Variants in PKLR observed in about 807,000 individuals in gnomAD.
The protein encoded by PKLR is pyruvate kinase L/R.
Under a neutral mutation model 53.6 loss-of-function variants are expected in PKLR, and 38 were observed. That is an observed-to-expected ratio of 0.71 (90% CI 0.55 to 0.93). The LOEUF is 0.93. PKLR is among the 40% of genes least tolerant of loss of function. PKLR has a pLI of 0.00. For missense variants in PKLR, 702 were observed against 787.3 expected (o/e 0.89, Z 1.30); for synonymous variants, 328 against 316.2 (o/e 1.04, Z -0.39).
At chr1:155,300,836 G>A in intron 1 of PKLR, 1 of 1,605,948 alleles carries the variant, frequency 6.2e-7, no homozygotes, top group South Asian at 1.1e-5. Flanking sequence ...GGTCCCTGTA[G>A]CTTGACCCAT....
rs1572049787 is a variant in PKLR, at chr1:155,290,502, T to G, written c.*70A>C. On this transcript the variant is annotated 3_prime_UTR_variant, in exon 11 of 11. Coordinates refer to ENST00000342741, the MANE Select transcript of PKLR (RefSeq NM_000298.6). ...GGTGGGGCTTTGGAGGGGTGTGGGCTGGAGAACGTAGACTGGGGAGGAAGG... is the reference window on the plus strand; with the variant it reads ...GGTGGGGCTTTGGAGGGGTGTGGGCGGGAGAACGTAGACTGGGGAGGAAGG... 1.1e-6 allele frequency: 1 copy of G among 917,756 alleles called. No individual in the cohort carries two copies. Among genetic ancestry groups the G allele is most frequent in the South Asian group, 1.3e-5 (1 of 75,012 alleles). 56.9% of individuals were successfully genotyped at this position (917,756 alleles called of 1,614,324 possible). A position where few individuals can be genotyped will look rare whatever the true frequency, so the allele number is the denominator to read the frequency against.
chr1:155,300,778 C>G lies in PKLR; in HGVS notation c.101-498G>C, dbSNP rs1053209082. ...CTGGCTACTGGCTGGCTTCCCCACC[C>G]CATCCTCTGAGTCTCCCCAGGCTTC... On this transcript the variant is annotated intron_variant, in intron 1 of 10. Transcript: ENST00000342741. The G allele has an allele frequency of 5.1e-6, 7 of 1,372,390 alleles. No homozygotes were observed. The African/African-American group carries it at 8.6e-5, about 17-fold the overall frequency. The allele number at this position is 1,372,390 out of a possible 1,614,324, so 85.0% of individuals were successfully genotyped here.
intron 1 of PKLR, 163 bp downstream of exon 1, chr1:155,301,132 AG>A: frequency 7.4e-7 from 1 of 1,355,718 alleles, no homozygotes; most frequent in Non-Finnish European, 1.0e-6. Context: ...GACCCAGGCC[AG>A]GGTCCATAAT....
At chr1:155,299,909 T>C (rs1056458853) in intron 2 of PKLR, among the ~76,000 whole-genome samples, 189 bp downstream of exon 2, 4 of 152,188 alleles carry the variant, frequency 2.6e-5, no homozygotes, top group African/African-American at 7.2e-5. Flanking sequence ...AGGGTAGGGA[T>C]TTTTGTCTGT....
chr1:155,301,153 G>C lies in PKLR; in HGVS notation c.100+143C>G. The C allele has an allele frequency of 3.0e-6, 4 of 1,323,808 alleles. No individual in the cohort carries two copies. The South Asian group carries it at 5.0e-5, about 17-fold the overall frequency. The allele number at this position is 1,323,808 out of a possible 1,614,324, so 82.0% of individuals were successfully genotyped here. A position where few individuals can be genotyped will look rare whatever the true frequency, so the allele number is the denominator to read the frequency against. On this transcript the variant is annotated intron_variant, in intron 1 of 10. Transcript: ENST00000342741. Reference sequence around the variant, plus strand: ...GGCCAGGGTCCATAATTTAACACACGGGAGGCTCTGAAGAACGTACGTTCC... The same window carrying C: ...GGCCAGGGTCCATAATTTAACACACCGGAGGCTCTGAAGAACGTACGTTCC...
upstream of PKLR, among the ~76,000 whole-genome samples, chr1:155,304,207 C>T (rs1040041039): frequency 1.2e-4 from 18 of 151,946 alleles, no homozygotes; most frequent in Admixed American, 5.9e-4. Flanking sequence ...CCAAGGCAGG[C>T]GGATCACCTG....
At chr1:155,302,297 C>G (rs1306361112), upstream of PKLR, among the ~76,000 whole-genome samples, 1 of 146,182 alleles carries the variant, frequency 6.8e-6, no homozygotes, top group African/African-American at 2.6e-5. Context: ...AGTGCAGTGG[C>G]GTGATCTTGG....
intron 2 of PKLR, among the ~76,000 whole-genome samples, chr1:155,297,474 G>A (rs1421911966): frequency 6.6e-6 from 1 of 152,092 alleles, no homozygotes; most frequent in Non-Finnish European, 1.5e-5. Context: ...AGCAAATCCT[G>A]TCAGCTCTAC....
the PKLR span, among the ~76,000 whole-genome samples, chr1:155,306,648 C>T: frequency 2.0e-5 from 3 of 152,156 alleles, no homozygotes; most frequent in Non-Finnish European, 4.4e-5. The surrounding 1 kb of genome is among the most constrained non-coding windows in gnomAD (Gnocchi z 4.2). Context: ...ATTCCACACA[C>T]ACACACAAAT....
Position 155,294,289 on chromosome 1 carries a change from CT to C in PKLR, c.1061del (p.Lys354ArgfsTer2). The C allele has an allele frequency of 6.2e-7, 1 of 1,614,180 alleles. No homozygotes were observed. Among genetic ancestry groups the C allele is most frequent in the Non-Finnish European group, 8.5e-7 (1 of 1,180,036 alleles). ...IPAEKVFLAQ[K>X]MMIGRCNLAG... Reference sequence around the variant, plus strand: ...CCAAGTTGCAGCGCCCAATCATCATCTTCTGAGCCAGGAAAACCTTCTCTGC... The same window carrying C: ...CCAAGTTGCAGCGCCCAATCATCATCTCTGAGCCAGGAAAACCTTCTCTGC... On this transcript the variant is annotated frameshift_variant, in exon 7 of 11. Transcript: ENST00000342741. LOFTEE classifies it high-confidence loss of function.
chr1:155,295,676 C>G lies in PKLR; in HGVS notation c.364G>C (p.Gly122Arg). 1 of 1,614,102 alleles carries G rather than the reference C, an allele frequency of 6.2e-7. No homozygotes were observed. The highest frequency in any genetic ancestry group is 2.2e-5 in the East Asian group (1 of 44,870). Residue 122 changes from glycine (G) to arginine (R), a missense_variant, in exon 3 of 11, where the codon GGC becomes CGC. By Grantham distance (125) the Gly-to-Arg change is moderately radical. Coordinates refer to ENST00000342741, the MANE Select transcript of PKLR (RefSeq NM_000298.6). This position sits in a 1 kb window ranked among gnomAD's most constrained non-coding sequence, Gnocchi z 4.3. ...MNIARLNFSH[G>R]SHEYHAESIA... ...GGCCCGTCCCGCACCTCGTGGGAGC[C>G]GTGGGAGAAGTTGAGTCGCGCAATG...
chr1:155,290,469 G>C lies in PKLR; in HGVS notation c.*103C>G. The C allele has an allele frequency of 1.4e-6, 1 of 731,020 alleles. No homozygotes were observed. The highest frequency in any genetic ancestry group is 1.5e-5 in the South Asian group (1 of 68,500). 45.3% of individuals were successfully genotyped at this position (731,020 alleles called of 1,614,324 possible). A position where few individuals can be genotyped will look rare whatever the true frequency, so the allele number is the denominator to read the frequency against. ...GGAGGGTCAGGAATAGAGAAGAGAGGACTTAAAGGTGGGGCTTTGGAGGGG... is the reference window on the plus strand; with the variant it reads ...GGAGGGTCAGGAATAGAGAAGAGAGCACTTAAAGGTGGGGCTTTGGAGGGG... On this transcript the variant is annotated 3_prime_UTR_variant, in exon 11 of 11. Transcript: ENST00000342741.
chr1:155,297,534 C>G (rs1647665603), intron 2 of PKLR, among the ~76,000 whole-genome samples: 1 of 152,178 alleles, frequency 6.6e-6, no homozygotes, highest in Admixed American at 6.5e-5. Context: ...TCACTGCCGC[C>G]AACTGGTCTG....
Position 155,293,288 on chromosome 1 carries a change from C to T in PKLR, c.1325G>A (p.Arg442His), listed in dbSNP as rs370554398. ...ATCACGGCTTAGTGGCGCTGCCCGACGTAGCTCCTCAAACAGCTGCCGGTG... is the reference window on the plus strand; with the variant it reads ...ATCACGGCTTAGTGGCGCTGCCCGATGTAGCTCCTCAAACAGCTGCCGGTG... ...VYHRQLFEEL[R>H]RAAPLSRDPT... The change falls in exon 9 of 11, where the codon CGT (arginine) becomes CAT (histidine). Residue 442 changes from arginine to histidine, a missense_variant. This residue lies in a region of PKLR where 183 missense variants were observed against 250.2 expected (regional missense o/e 0.73). Coordinates refer to ENST00000342741, the MANE Select transcript of PKLR (RefSeq NM_000298.6). This position sits in a 1 kb window ranked among gnomAD's most constrained non-coding sequence, Gnocchi z 4.2. 3.1e-6 allele frequency: 5 copies of T among 1,614,104 alleles called. No individual in the cohort carries two copies. In the Admixed American group the frequency reaches 6.7e-5, roughly 22 times the overall value.
Position 155,293,668 on chromosome 1 carries a change from C to G in PKLR, c.1117-78G>C. 6.9e-7 allele frequency: 1 copy of G among 1,442,178 alleles called. No homozygotes were observed. Among genetic ancestry groups the G allele is most frequent in the Admixed American group, 1.7e-5 (1 of 57,890 alleles). 89.3% of individuals were successfully genotyped at this position (1,442,178 alleles called of 1,614,324 possible). A position where few individuals can be genotyped will look rare whatever the true frequency, so the allele number is the denominator to read the frequency against. ...CCCTGCCCAAGCTACTTCTCTGACA[C>G]CCACACTCTCAGAGTGTCCCAAAAT... is the stretch of plus-strand genomic sequence containing the variant. On this transcript the variant is annotated intron_variant, in intron 7 of 10. Coordinates refer to ENST00000342741, the MANE Select transcript of PKLR (RefSeq NM_000298.6). This position sits in a 1 kb window ranked among gnomAD's most constrained non-coding sequence, Gnocchi z 4.2.
Position 155,294,760 on chromosome 1 carries a change from C to G in PKLR, c.695-8G>C. The stretch of plus-strand genomic sequence containing the variant: ...TCACCAGTCCCTCTGGGCCTGCGGA[C>G]ATGGAAAGAGCCAGCTGCGGTCAGG... On this transcript the variant is annotated splice_polypyrimidine_tract_variant and splice_region_variant and intron_variant, in intron 5 of 10. Transcript: ENST00000342741. 1.9e-6 allele frequency: 3 copies of G among 1,613,834 alleles called. No homozygotes were observed. The highest frequency in any genetic ancestry group is 2.5e-6 in the Non-Finnish European group (3 of 1,180,030).
Position 155,293,441 on chromosome 1 carries a change from A to G in PKLR, c.1266T>C (p.His422=). 2 of 1,614,212 alleles carry G rather than the reference A, an allele frequency of 1.2e-6. No individual in the cohort carries two copies. Among genetic ancestry groups the G allele is most frequent in the Non-Finnish European group, 1.7e-6 (2 of 1,180,036 alleles). The change falls in exon 8 of 11, where the codon CAT becomes CAC. Residue 422 remains histidine, a synonymous_variant. Transcript: ENST00000342741. This position sits in a 1 kb window ranked among gnomAD's most constrained non-coding sequence, Gnocchi z 4.2. The part of the protein sequence containing the change: ...NFPVEAVKMQ[H]AIAREAEAAV... Reference sequence around the variant, plus strand: ...GCTTTTCATTCTGAGCTCCTACCGCATGCTGCATCTTCACCGCTTCCACAG... The same window carrying G: ...GCTTTTCATTCTGAGCTCCTACCGCGTGCTGCATCTTCACCGCTTCCACAG...
At position 155,294,721 on chromosome 1, in the gene PKLR, G is replaced by A. The variant is rs772083920; in HGVS notation, c.726C>T (p.Asn242=). ...GPEGLVTQVE[N]GGVLGSRKGV... is the part of the protein sequence containing the mutation. The stretch of plus-strand genomic sequence containing the variant: ...CCTTCCGGCTGCCCAGGACGCCGCC[G>A]TTCTCCACTTGGGTCACCAGTCCCT... Residue 242 remains asparagine (N), a synonymous_variant, in exon 6 of 11, where the codon AAC becomes AAT. Coordinates refer to ENST00000342741, the MANE Select transcript of PKLR (RefSeq NM_000298.6). 19 of 1,613,970 alleles carry A rather than the reference G, an allele frequency of 1.2e-5. No homozygotes were observed. In the East Asian group the frequency reaches 4.2e-4, roughly 36 times the overall value.
chr1:155,299,491 C>CTTTTTT lies in PKLR; in HGVS notation c.283+601_283+606dup, dbSNP rs35869567. On this transcript the variant is annotated intron_variant, in intron 2 of 10. Transcript: ENST00000342741. ...GGCATGAGCCACTGAGCCCAGCCCACTTTTTTTTTTTTTTTTTTTTTTTTT... is the reference window on the plus strand; with the variant it reads ...GGCATGAGCCACTGAGCCCAGCCCACTTTTTTTTTTTTTTTTTTTTTTTTTTTTTTT... Among the ~76,000 whole-genome samples the CTTTTTT allele has an allele frequency of 4.7e-4, 20 of 42,764 alleles. 1 individual carries two copies. The highest frequency in any genetic ancestry group is 1.8e-3 in the African/African-American group (18 of 9,878). The allele number at this position is 42,764 out of a possible 152,430, so 28.1% of individuals were successfully genotyped here. A position where few individuals can be genotyped will look rare whatever the true frequency, so the allele number is the denominator to read the frequency against.
Sources: allele counts gnomAD v4.1 joint callset (sites outside exome capture counted in the v4.1 genomes callset), GRCh38; gene constraint gnomAD v4.1.1; regional missense constraint gnomAD v4.1.1; non-coding constraint Gnocchi (gnomAD v3.1); transcripts MANE v1.5; gene names NCBI Gene and HGNC (gene_info 2026-07-23, HGNC 2026-07-21).